Variants in HTR1F observed in about 807,000 individuals in gnomAD.
HTR1F encodes the protein 5-hydroxytryptamine receptor 1F, also known as 5-hydroxytryptamine (serotonin) receptor 1F, G protein-coupled.
In HTR1F, 17 loss-of-function variants were observed where a neutral mutation model predicts 24.0. The observed-to-expected ratio is 0.71, with a 90% CI of 0.48 to 1.06. HTR1F has a LOEUF of 1.06. HTR1F is among the 50% of genes least tolerant of loss of function. HTR1F has a pLI of 0.00. For synonymous variants in HTR1F, 186 were observed against 156.8 expected (o/e 1.19, Z -1.39); for missense variants, 391 against 427.8 (o/e 0.91, Z 0.76).
At chr3:87,835,517 A>G (rs1045423717) in intron 2 of HTR1F, among the ~76,000 whole-genome samples, 2 of 152,230 alleles carry the variant, frequency 1.3e-5, no homozygotes, top group African/African-American at 4.8e-5. Flanking sequence ...CTATTTTCAT[A>G]GTGATGCCAT....
At chr3:87,935,538 T>C (rs1304191482) in intron 2 of HTR1F, among the ~76,000 whole-genome samples, 1 of 151,868 alleles carries the variant, frequency 6.6e-6, no homozygotes, top group African/African-American at 2.4e-5. Context: ...TAAATGAAAC[T>C]GCTTCACTCA....
chr3:87,955,919 A>C lies in HTR1F; in HGVS notation c.-42-34789A>C, dbSNP rs112063901. 5.5e-3 allele frequency among the ~76,000 whole-genome samples: 835 copies of C among 151,544 alleles called. 9 individuals are homozygous for C. The highest frequency in any genetic ancestry group is 0.019 in the African/African-American group (786 of 41,494). On this transcript the variant is annotated intron_variant, in intron 2 of 2. Transcript: ENST00000319595. ...TTATTAGTCTTATTGTTAACTTATA[A>C]GAGATCTGTATATGGTCTGGATACA...
chr3:87,875,205 C>T (rs547566859), intron 2 of HTR1F, among the ~76,000 whole-genome samples: 1 of 152,082 alleles, frequency 6.6e-6, no homozygotes, highest in Non-Finnish European at 1.5e-5. Flanking sequence ...AGTCCCAGCG[C>T]TTTGGGAGGC....
rs1705869918 is a variant in HTR1F, at chr3:87,993,033, T to C, written c.*1183T>C. On this transcript the variant is annotated 3_prime_UTR_variant, in exon 3 of 3. Transcript: ENST00000319595. ...TTTTTCTTCCATATTTATAAAAGGA[T>C]TTGAAAACAATAGAACCATGAGTTT... is the stretch of plus-strand genomic sequence containing the variant. 1 of 166,982 alleles carries C rather than the reference T, an allele frequency of 6.0e-6. No individual in the cohort carries two copies. The highest frequency in any genetic ancestry group is 1.5e-5 in the Non-Finnish European group (1 of 68,104). 10.3% of individuals were successfully genotyped at this position (166,982 alleles called of 1,614,324 possible). A position where few individuals can be genotyped will look rare whatever the true frequency, so the allele number is the denominator to read the frequency against.
chr3:87,812,355 A>G (rs1704175254), intron 1 of HTR1F, among the ~76,000 whole-genome samples: 1 of 152,162 alleles, frequency 6.6e-6, no homozygotes, highest in African/African-American at 2.4e-5. Context: ...TGAGATGGAG[A>G]TGAGGAACTT....
Position 87,993,094 on chromosome 3 carries a change from T to C in HTR1F, c.*1244T>C, listed in dbSNP as rs1249502882. 1 of 167,018 alleles carries C rather than the reference T, an allele frequency of 6.0e-6. No homozygotes were observed. Among genetic ancestry groups the C allele is most frequent in the African/African-American group, 2.4e-5 (1 of 41,450 alleles). 10.3% of individuals were successfully genotyped at this position (167,018 alleles called of 1,614,324 possible). A position where few individuals can be genotyped will look rare whatever the true frequency, so the allele number is the denominator to read the frequency against. On this transcript the variant is annotated 3_prime_UTR_variant, in exon 3 of 3. Transcript: ENST00000319595. ...TATTTTATTTGAACCAGCAAGGTCA[T>C]AGACTACCTTTGGGAAGACCTATCA...
intron 2 of HTR1F, among the ~76,000 whole-genome samples, chr3:87,950,542 A>G (rs536269488): frequency 3.6e-4 from 55 of 150,874 alleles, no homozygotes; most frequent in African/African-American, 1.3e-3. Context: ...TTAGACCTCA[A>G]TAATGATAGT....
intron 2 of HTR1F, among the ~76,000 whole-genome samples, chr3:87,897,719 A>T (rs1706233094): frequency 6.6e-6 from 1 of 152,068 alleles, no homozygotes; most frequent in Non-Finnish European, 1.5e-5. Flanking sequence ...GGACTTTCCC[A>T]GAAGCAACCA....
intron 2 of HTR1F, among the ~76,000 whole-genome samples, chr3:87,978,867 T>TGGAA (rs1705457555): frequency 1.9e-5 from 1 of 52,312 alleles, no homozygotes; most frequent in African/African-American, 7.2e-5. Context: ...GAAAGAAGGA[T>TGGAA]GGAAGGAAGG....
chr3:87,943,267 C>T (rs993399410), intron 2 of HTR1F, among the ~76,000 whole-genome samples: 1 of 152,180 alleles, frequency 6.6e-6, no homozygotes, highest in Non-Finnish European at 1.5e-5. Context: ...TATGGCGACA[C>T]TTCTCTCATT....
At chr3:87,949,494 G>A (rs748906868) in intron 2 of HTR1F, among the ~76,000 whole-genome samples, 9 of 152,196 alleles carry the variant, frequency 5.9e-5, no homozygotes, top group Non-Finnish European at 1.3e-4. Context: ...AGGGAAACAA[G>A]TGACATTGAG....
intron 2 of HTR1F, among the ~76,000 whole-genome samples, chr3:87,847,144 G>T (rs983133922): frequency 1.3e-5 from 2 of 151,660 alleles, no homozygotes; most frequent in African/African-American, 4.9e-5. Flanking sequence ...AAAAATCAAA[G>T]AAATGCAAAT....
In HTR1F at chr3:87,992,715, T is replaced by C. The variant is rs1705864065; in HGVS notation, c.*865T>C. 1 of 166,988 alleles carries C rather than the reference T, an allele frequency of 6.0e-6. No homozygotes were observed. The highest frequency in any genetic ancestry group is 2.1e-4 in the South Asian group (1 of 4,830). 10.3% of individuals were successfully genotyped at this position (166,988 alleles called of 1,614,324 possible). A position where few individuals can be genotyped will look rare whatever the true frequency, so the allele number is the denominator to read the frequency against. On this transcript the variant is annotated 3_prime_UTR_variant, in exon 3 of 3. Coordinates refer to ENST00000319595, the MANE Select transcript of HTR1F (RefSeq NM_001322209.2). ...TACTCTTAACATCTTTTTAAAAGTATAAAATGTATTTCATTTCTGTTAATA... is the reference window on the plus strand; with the variant it reads ...TACTCTTAACATCTTTTTAAAAGTACAAAATGTATTTCATTTCTGTTAATA...
At chr3:87,931,458 T>A (rs1241021375) in intron 2 of HTR1F, among the ~76,000 whole-genome samples, 1 of 152,176 alleles carries the variant, frequency 6.6e-6, no homozygotes, top group Non-Finnish European at 1.5e-5. Context: ...TTGTTGGACA[T>A]TTGGGTTGGT....
chr3:87,817,859 G>T (rs2107115335), intron 1 of HTR1F, among the ~76,000 whole-genome samples: 1 of 152,268 alleles, frequency 6.6e-6, no homozygotes, highest in African/African-American at 2.4e-5. Context: ...TCATGTTACT[G>T]ACGAAGTTAT....
At chr3:87,806,159 A>T (rs758389298) in intron 1 of HTR1F, among the ~76,000 whole-genome samples, 2 of 152,054 alleles carry the variant, frequency 1.3e-5, no homozygotes, top group Non-Finnish European at 2.9e-5. Flanking sequence ...TCATCCACTG[A>T]TGAACACTTA....
At chr3:87,856,574 C>T (rs1705203933) in intron 2 of HTR1F, among the ~76,000 whole-genome samples, 1 of 152,112 alleles carries the variant, frequency 6.6e-6, no homozygotes, top group South Asian at 2.1e-4. Flanking sequence ...TTTATACCTA[C>T]TTGTTCTTTA....
At chr3:87,898,853 A>C (rs1039387953) in intron 2 of HTR1F, among the ~76,000 whole-genome samples, 5 of 152,180 alleles carry the variant, frequency 3.3e-5, no homozygotes, top group Admixed American at 1.3e-4. Flanking sequence ...TTTTAAAAGT[A>C]AATGTTTGGA....
chr3:87,882,219 G>T (rs1263089876), intron 2 of HTR1F, among the ~76,000 whole-genome samples: 1 of 152,200 alleles, frequency 6.6e-6, no homozygotes, highest in East Asian at 1.9e-4. Flanking sequence ...AACAGGTGCT[G>T]GAGAGGATGT....
Sources: gnomAD v4.1 joint callset for allele counts (sites outside exome capture counted in the v4.1 genomes callset) on GRCh38, gnomAD v4.1.1 for gene constraint, MANE v1.5 for transcripts, NCBI Gene and HGNC (gene_info 2026-07-23, HGNC 2026-07-21) for gene names.